Variants in JCAD observed in about 807,000 individuals in gnomAD.
JCAD encodes the protein junctional cadherin 5-associated protein.
JCAD carries 40 observed loss-of-function variants against 98.0 expected under a neutral mutation model. The ratio of observed to expected loss-of-function variants is 0.41; its 90% CI spans 0.32 to 0.53. The LOEUF (loss-of-function observed/expected upper bound fraction) is 0.53, where lower values mean the gene tolerates loss of function less well. JCAD is among the 20% of genes least tolerant of loss of function. The probability of loss-of-function intolerance (pLI) is 0.31; values close to 1 mark genes in which losing one functional copy is unlikely to be tolerated. For synonymous variants in JCAD, 691 were observed against 682.3 expected (o/e 1.01, Z -0.20); for missense variants, 1,705 against 1,738.1 (o/e 0.98, Z 0.34).
intron 1 of JCAD, among the ~76,000 whole-genome samples, chr10:30,114,034 C>A (rs189397517): frequency 6.6e-6 from 1 of 152,226 alleles, no homozygotes; most frequent in East Asian, 1.9e-4. Context: ...TGACACTGGG[C>A]ACTTAGCCCC....
At chr10:30,062,243 G>A (rs936222221), upstream of JCAD, among the ~76,000 whole-genome samples, 1 of 152,214 alleles carries the variant, frequency 6.6e-6, no homozygotes, top group Non-Finnish European at 1.5e-5. Context: ...AGATTCTAGA[G>A]AAGATGACTT....
Position 30,015,512 on chromosome 10 carries a change from A to G in JCAD, c.*2371T>C, listed in dbSNP as rs1383021551. The G allele has an allele frequency of 6.6e-6, 1 of 152,234 alleles. No individual in the cohort carries two copies. The highest frequency in any genetic ancestry group is 6.5e-5 in the Admixed American group (1 of 15,288). The allele number at this position is 152,234 out of a possible 1,614,324, so 9.4% of individuals were successfully genotyped here. On this transcript the variant is annotated 3_prime_UTR_variant, in exon 4 of 4. Transcript: ENST00000375377. ...CTTAAATTTAGAACAGTTAAAGTAT[A>G]AATGTTGAAAATTTCAACTTAATTC...
intron 1 of JCAD, among the ~76,000 whole-genome samples, chr10:30,085,289 G>T (rs988638555): frequency 6.6e-6 from 1 of 151,846 alleles, no homozygotes; most frequent in East Asian, 1.9e-4. Flanking sequence ...ACCTTGAATT[G>T]GTCTTTACAT....
intron 1 of JCAD, among the ~76,000 whole-genome samples, chr10:30,050,724 G>T (rs991137181): frequency 1.3e-5 from 2 of 152,188 alleles, no homozygotes; most frequent in African/African-American, 4.8e-5. Flanking sequence ...TATTTAGCAA[G>T]AATATCTTTC....
chr10:30,092,326 G>T (rs1838297861), intron 1 of JCAD, among the ~76,000 whole-genome samples: 2 of 151,326 alleles, frequency 1.3e-5, no homozygotes, highest in South Asian at 4.2e-4. Context: ...TGGCAGGAAG[G>T]ACTGAGGACA....
rs1299880164 is a variant in JCAD, at chr10:30,047,885, GA to G, written c.-59-15del. ...CAGGACCCAGCACTGCAGGACAACA[GA>G]GAGCTCTATTTGTGACTAGGTCTCC... On this transcript the variant is annotated splice_polypyrimidine_tract_variant and intron_variant, in intron 1 of 3. Transcript: ENST00000375377. 7 of 1,493,126 alleles carry G rather than the reference GA, an allele frequency of 4.7e-6. No individual in the cohort carries two copies. Among genetic ancestry groups the G allele is most frequent in the Non-Finnish European group, 6.3e-6 (7 of 1,107,150 alleles). 92.5% of individuals were successfully genotyped at this position (1,493,126 alleles called of 1,614,324 possible).
At chr10:30,081,629 G>A (rs558517684) in intron 1 of JCAD, among the ~76,000 whole-genome samples, 3 of 151,916 alleles carry the variant, frequency 2.0e-5, no homozygotes, top group African/African-American at 7.3e-5. Context: ...ACGGGGTTTC[G>A]CCATGTTTGC....
intron 1 of JCAD, among the ~76,000 whole-genome samples, chr10:30,095,032 G>A (rs566303897): frequency 1.3e-5 from 2 of 152,120 alleles, no homozygotes; most frequent in African/African-American, 4.8e-5. Context: ...GATCTTGGCC[G>A]GTGCACCTCC....
chr10:30,068,170 C>G (rs910186018), intron 2 of JCAD, among the ~76,000 whole-genome samples: 1 of 152,026 alleles, frequency 6.6e-6, no homozygotes, highest in African/African-American at 2.4e-5. Context: ...AGGTGGATCA[C>G]CTGAGGTCAG....
chr10:30,088,224 AAAT>A (rs1317235189), intron 1 of JCAD, among the ~76,000 whole-genome samples: 2 of 152,208 alleles, frequency 1.3e-5, no homozygotes, highest in Non-Finnish European at 2.9e-5. Flanking sequence ...TGAAAATTAG[AAAT>A]AGGAAGTCAG....
rs533380664 is a variant in JCAD at position 30,032,304 on chromosome 10, T to C, written c.282-2438A>G. Among the ~76,000 whole-genome samples the C allele has an allele frequency of 2.0e-5, 3 of 152,312 alleles. No individual in the cohort carries two copies. In the East Asian group the frequency reaches 5.8e-4, roughly 29 times the overall value. On this transcript the variant is annotated intron_variant, in intron 2 of 3. Coordinates refer to ENST00000375377, the MANE Select transcript of JCAD (RefSeq NM_020848.4). The stretch of plus-strand genomic sequence containing the variant: ...CCCATCTCCAAATATTTGGATTTAA[T>C]TGGTCTAATGAGGAGCCAGTATATT...
chr10:30,081,301 G>A (rs571771194), intron 1 of JCAD, among the ~76,000 whole-genome samples: 1 of 152,300 alleles, frequency 6.6e-6, no homozygotes, highest in Admixed American at 6.5e-5. Flanking sequence ...TGGTTACAAA[G>A]GGCAGAAACC....
chr10:30,094,486 C>CA (rs1271108252), intron 1 of JCAD, among the ~76,000 whole-genome samples: 2 of 152,078 alleles, frequency 1.3e-5, no homozygotes, highest in South Asian at 2.1e-4. Context: ...AACAAAACAA[C>CA]AAAAAACTGC....
chr10:30,075,437 T>C (rs954568241), intron 1 of JCAD, among the ~76,000 whole-genome samples: 1 of 152,182 alleles, frequency 6.6e-6, no homozygotes, highest in African/African-American at 2.4e-5. Context: ...TCCAACTCTG[T>C]GGAATGGCCC....
At chr10:30,018,210 G>A (rs1444250880) in intron 3 of JCAD, among the ~76,000 whole-genome samples, 1 of 152,012 alleles carries the variant, frequency 6.6e-6, no homozygotes, top group Non-Finnish European at 1.5e-5. Flanking sequence ...CACTTTAAAC[G>A]CAATGTTTCC....
At chr10:30,089,786 C>T (rs1384102896) in intron 1 of JCAD, among the ~76,000 whole-genome samples, 2 of 152,054 alleles carry the variant, frequency 1.3e-5, no homozygotes, top group African/African-American at 4.8e-5. Flanking sequence ...TAATGAACAG[C>T]AAGGCTTTTC....
chr10:30,048,413 G>C (rs548281786), intron 1 of JCAD, among the ~76,000 whole-genome samples: 1 of 152,130 alleles, frequency 6.6e-6, no homozygotes, highest in African/African-American at 2.4e-5. Context: ...GGAAGCCATC[G>C]AAACAGCAAC....
At chr10:30,051,848 C>G (rs1331882055) in intron 1 of JCAD, among the ~76,000 whole-genome samples, 1 of 152,090 alleles carries the variant, frequency 6.6e-6, no homozygotes, top group Non-Finnish European at 1.5e-5. Flanking sequence ...GGATTTTAGC[C>G]TCAGTGACGA....
chr10:30,051,180 A>G (rs1365376528), intron 1 of JCAD, among the ~76,000 whole-genome samples: 2 of 152,154 alleles, frequency 1.3e-5, no homozygotes, highest in Non-Finnish European at 2.9e-5. Flanking sequence ...TAAAAACCAT[A>G]TATTTAAAAG....
Sources: gnomAD v4.1 joint callset for allele counts (sites outside exome capture counted in the v4.1 genomes callset) on GRCh38, gnomAD v4.1.1 for gene constraint, MANE v1.5 for transcripts, NCBI Gene and HGNC (gene_info 2026-07-23, HGNC 2026-07-21) for gene names.